Variants in MEGF6 observed in about 807,000 individuals in gnomAD.
MEGF6 encodes the protein multiple EGF like domains 6, also known as multiple epidermal growth factor-like domains protein 6.
A neutral mutation model predicts 207.1 loss-of-function variants in MEGF6; 184 were observed. That is an observed-to-expected ratio of 0.89 (90% CI 0.79 to 1.00). MEGF6 has a LOEUF of 1.00. MEGF6 is among the 50% of genes least tolerant of loss of function. The probability of loss-of-function intolerance (pLI) is 0.00; values close to 1 mark genes in which losing one functional copy is unlikely to be tolerated. For missense variants in MEGF6, 2,282 were observed against 2,202.9 expected, an observed-to-expected ratio of 1.04 and a Z score of -0.72; for synonymous variants, 1,038 against 910.0, an observed-to-expected ratio of 1.14 and a Z score of -2.53.
chr1:3,508,430 C>T lies in MEGF6; in HGVS notation c.1660+128G>A, dbSNP rs1641199657. 3 of 1,055,952 alleles carry T rather than the reference C, an allele frequency of 2.8e-6. No homozygotes were observed. The Admixed American group carries it at 7.3e-5, about 26-fold the overall frequency. The allele number at this position is 1,055,952 out of a possible 1,614,324, so 65.4% of individuals were successfully genotyped here. ...AATTAACAAATGGATGAATGAATGG[C>T]TCTGCACAGAGCCCCCTGCCCAGGG... On this transcript the variant is annotated intron_variant, in intron 13 of 36. Transcript: ENST00000356575.
At chr1:3,531,052 G>T in intron 4 of MEGF6, 1 of 1,356,192 alleles carries the variant, frequency 7.4e-7, no homozygotes, top group Non-Finnish European at 9.9e-7. Flanking sequence ...GGCCCCGCCC[G>T]CCCTGCCCAG....
chr1:3,508,377 T>C (rs1438348523), intron 13 of MEGF6, among the ~76,000 whole-genome samples, 181 bp downstream of exon 13: 2 of 151,992 alleles, frequency 1.3e-5, no homozygotes, highest in African/African-American at 2.4e-5. Context: ...TGGCATAGAG[T>C]GGACAGTCAG....
intron 4 of MEGF6, among the ~76,000 whole-genome samples, chr1:3,551,090 G>T (rs374354790): frequency 1.3e-4 from 20 of 152,264 alleles, no homozygotes; most frequent in African/African-American, 4.8e-4. Context: ...GCAGCTCCCC[G>T]CTAGCGATGC....
At chr1:3,522,607 A>G (rs1570042777) in intron 5 of MEGF6, among the ~76,000 whole-genome samples, 1 of 117,860 alleles carries the variant, frequency 8.5e-6, no homozygotes, top group Non-Finnish European at 1.7e-5. Context: ...GTGGGTGGGC[A>G]GTGGGTTGTG....
At chr1:3,601,008 G>A (rs370694676) in intron 2 of MEGF6, among the ~76,000 whole-genome samples, 9 of 152,258 alleles carry the variant, frequency 5.9e-5, no homozygotes, top group East Asian at 1.9e-4. Flanking sequence ...GGGTAATGCC[G>A]GGAGGGGATC....
At position 3,594,326 on chromosome 1, in the gene MEGF6, G is replaced by A. The variant is rs1301609458; in HGVS notation, c.376+1012C>T. Among the ~76,000 whole-genome samples, 1 of 152,226 alleles carries A rather than the reference G, an allele frequency of 6.6e-6. No individual in the cohort carries two copies. The highest frequency in any genetic ancestry group is 2.4e-5 in the African/African-American group (1 of 41,450). On this transcript the variant is annotated intron_variant, in intron 3 of 36. Transcript: ENST00000356575. The surrounding 1 kb of genome is among the most constrained non-coding windows in gnomAD (Gnocchi z 4.2). Reference sequence around the variant, plus strand: ...CACCTACAGTCTCAGCCACTCGGGAGGCTGAGGTGGGAGGATTGCTTGAGT... The same window carrying A: ...CACCTACAGTCTCAGCCACTCGGGAAGCTGAGGTGGGAGGATTGCTTGAGT...
chr1:3,491,031 G>A (rs977478007), intron 35 of MEGF6, 72 bp from the exon 36 acceptor site: 50 of 1,420,934 alleles, frequency 3.5e-5, no homozygotes, highest in Non-Finnish European at 4.4e-5. Context: ...GCAGCAAGGC[G>A]TGACCCCATC....
chr1:3,622,128 A>G, the MEGF6 span, among the ~76,000 whole-genome samples: 2 of 152,200 alleles, frequency 1.3e-5, no homozygotes, highest in Non-Finnish European at 2.9e-5. Flanking sequence ...TAAAAAGGAC[A>G]TGAGATTTAG....
At chr1:3,610,754 C>T (rs906915062) in intron 1 of MEGF6, among the ~76,000 whole-genome samples, 5 of 152,242 alleles carry the variant, frequency 3.3e-5, no homozygotes, top group African/African-American at 1.2e-4. Context: ...AGGAGACAGG[C>T]TTTGGAGGGA....
rs762440944 is a variant in MEGF6 at position 3,501,946 on chromosome 1, T to C, written c.2189-25A>G. The C allele has an allele frequency of 2.0e-6, 3 of 1,485,258 alleles. No individual in the cohort carries two copies. In the East Asian group the frequency reaches 8.8e-5, roughly 44 times the overall value. 92.0% of individuals were successfully genotyped at this position (1,485,258 alleles called of 1,614,324 possible). ...TCTGCAGGAGAAAGCACGAGGGGCCTTAGCCGCACCACGTGGAGTGGACTG... is the reference window on the plus strand; with the variant it reads ...TCTGCAGGAGAAAGCACGAGGGGCCCTAGCCGCACCACGTGGAGTGGACTG... On this transcript the variant is annotated intron_variant, in intron 17 of 36. Coordinates refer to ENST00000356575, the MANE Select transcript of MEGF6 (RefSeq NM_001409.4).
intron 17 of MEGF6, among the ~76,000 whole-genome samples, chr1:3,504,072 GGGGGCTT>G (rs1236387091): frequency 2.0e-5 from 3 of 152,118 alleles, no homozygotes; most frequent in African/African-American, 7.2e-5. Flanking sequence ...CCCATGCTGG[GGGGGCTT>G]GAGTCCAGAG....
At chr1:3,569,550 G>C (rs1643440220) in intron 4 of MEGF6, among the ~76,000 whole-genome samples, 1 of 152,254 alleles carries the variant, frequency 6.6e-6, no homozygotes, top group South Asian at 2.1e-4. Context: ...GAGGCTGAAG[G>C]TCTCTGACAC....
chr1:3,568,151 C>T (rs1428136658), intron 4 of MEGF6, among the ~76,000 whole-genome samples: 1 of 152,204 alleles, frequency 6.6e-6, no homozygotes, highest in African/African-American at 2.4e-5. Context: ...GACTCGTCAA[C>T]ATGTCTACTG....
rs1388785952 is a variant in MEGF6 at position 3,498,821 on chromosome 1, G to C, written c.3100C>G (p.Pro1034Ala). Residue 1034 changes from proline to alanine, a missense_variant, in exon 25 of 37, where the codon CCT (proline) becomes GCT (alanine). Transcript: ENST00000356575. ...WMGPSCLQAC[P>A]AGLYGDNCRH... ...CAGTTGTCGCCGTACAGGCCGGCAGGGCAGGCTGGGGCCAGGGAAGAGGGA... is the reference window on the plus strand; with the variant it reads ...CAGTTGTCGCCGTACAGGCCGGCAGCGCAGGCTGGGGCCAGGGAAGAGGGA... The C allele has an allele frequency of 2.8e-5, 43 of 1,551,596 alleles. No homozygotes were observed. The East Asian group carries it at 1.0e-3, about 38-fold the overall frequency.
At chr1:3,566,200 TG>T (rs1350935914) in intron 4 of MEGF6, among the ~76,000 whole-genome samples, 1 of 152,144 alleles carries the variant, frequency 6.6e-6, no homozygotes, top group African/African-American at 2.4e-5. Flanking sequence ...GCCCCCGGCT[TG>T]ACCGGGCCAG....
intron 4 of MEGF6, among the ~76,000 whole-genome samples, chr1:3,540,574 C>T (rs1642484337): frequency 1.3e-5 from 2 of 152,254 alleles, no homozygotes; most frequent in African/African-American, 2.4e-5. Flanking sequence ...TTGTTCACTC[C>T]TGCTGCTCCT....
intron 4 of MEGF6, among the ~76,000 whole-genome samples, chr1:3,534,442 C>T (rs529972781): frequency 6.6e-6 from 1 of 152,320 alleles, no homozygotes; most frequent in Non-Finnish European, 1.5e-5. Context: ...TTGGACAGCC[C>T]CAGCTTTGCT....
intron 5 of MEGF6, among the ~76,000 whole-genome samples, chr1:3,521,107 C>G (rs1419295957): frequency 2.0e-5 from 3 of 152,144 alleles, no homozygotes; most frequent in Non-Finnish European, 2.9e-5. Context: ...CAGGCGGGGT[C>G]ACGACACCCT....
chr1:3,500,534 G>C lies in MEGF6; in HGVS notation c.2707+99C>G. On this transcript the variant is annotated intron_variant, in intron 21 of 36. Coordinates refer to ENST00000356575, the MANE Select transcript of MEGF6 (RefSeq NM_001409.4). ...AAAGGCTTCGTGTGTGTGCGTGCAG[G>C]AGGGAGTACGGTCAAAGGCTTTGTG... 2.1e-6 allele frequency: 3 copies of C among 1,436,392 alleles called. No individual in the cohort carries two copies. In the South Asian group the frequency reaches 4.3e-5, roughly 21 times the overall value. 89.0% of individuals were successfully genotyped at this position (1,436,392 alleles called of 1,614,324 possible).
Sources: gnomAD v4.1 joint callset for allele counts (sites outside exome capture counted in the v4.1 genomes callset) on GRCh38, gnomAD v4.1.1 for gene constraint, Gnocchi (gnomAD v3.1) non-coding constraint, MANE v1.5 for transcripts, NCBI Gene and HGNC (gene_info 2026-07-23, HGNC 2026-07-21) for gene names.